The following GAREM1 variants were observed in gnomAD, a reference collection of about 807,000 sequenced individuals.
The protein encoded by GAREM1 is GRB2 associated regulator of MAPK1 subtype 1.
A neutral mutation model predicts 71.3 loss-of-function variants in GAREM1; 26 were observed. The ratio of observed to expected loss-of-function variants is 0.36; its 90% CI spans 0.27 to 0.51. The LOEUF is 0.51. GAREM1 is among the 20% of genes least tolerant of loss of function. The pLI is 0.95. For missense variants in GAREM1, 1,026 were observed against 1,103.1 expected, an observed-to-expected ratio of 0.93 and a Z score of 0.99; for synonymous variants, 440 against 433.2, an observed-to-expected ratio of 1.02 and a Z score of -0.20.
At chr18:32,390,340 T>C (rs1396471842) in intron 2 of GAREM1, among the ~76,000 whole-genome samples, 4 of 152,202 alleles carry the variant, frequency 2.6e-5, no homozygotes, top group Admixed American at 2.6e-4. Context: ...CTGGAATCTA[T>C]TTGTACCTCA....
chr18:32,356,027 A>C (rs961159225), intron 2 of GAREM1, among the ~76,000 whole-genome samples: 2 of 152,188 alleles, frequency 1.3e-5, no homozygotes, highest in African/African-American at 4.8e-5. Context: ...CTAGAGAAGC[A>C]GTTTTTCTTT....
Position 32,270,289 on chromosome 18 carries a change from A to AGGAGGG in GAREM1, c.1660_1661insCCCTCC (p.Val554delinsAlaLeuLeu). The AGGAGGG allele has an allele frequency of 6.2e-7, 1 of 1,613,940 alleles. No homozygotes were observed. Among genetic ancestry groups the AGGAGGG allele is most frequent in the Middle Eastern group, 1.6e-4 (1 of 6,062 alleles). ...GCGAGTCTGTTGCCGCGCTGGCTTGACTGTGCGAGGAGGGATGGAGGGACT... is the reference window on the plus strand; with the variant it reads ...GCGAGTCTGTTGCCGCGCTGGCTTGAGGAGGGCTGTGCGAGGAGGGATGGAGGGACT... On this transcript the variant is annotated protein_altering_variant, in exon 5 of 6. Transcript: ENST00000269209.
At chr18:32,413,179 C>A in intron 1 of GAREM1, 1 of 1,600,870 alleles carries the variant, frequency 6.2e-7, no homozygotes. Context: ...TTAGACATGA[C>A]GGCAGGGTGA....
At chr18:32,318,289 T>C (rs1407896966) in intron 2 of GAREM1, among the ~76,000 whole-genome samples, 1 of 152,168 alleles carries the variant, frequency 6.6e-6, no homozygotes. Context: ...CTAGAAAATA[T>C]CCATTTTGTG....
intron 2 of GAREM1, among the ~76,000 whole-genome samples, chr18:32,311,657 G>A (rs917262786): frequency 7.2e-5 from 11 of 152,178 alleles, no homozygotes; most frequent in African/African-American, 2.4e-4. Flanking sequence ...CTAAGACTAG[G>A]CAACAGTCTG....
intron 2 of GAREM1, among the ~76,000 whole-genome samples, chr18:32,378,597 G>C (rs1274389240): frequency 1.3e-5 from 2 of 152,110 alleles, no homozygotes; most frequent in African/African-American, 4.8e-5. Flanking sequence ...TCCAATGGGA[G>C]GGAGGCGGAA....
intron 2 of GAREM1, among the ~76,000 whole-genome samples, chr18:32,338,118 A>G (rs1207374047): frequency 6.6e-6 from 1 of 152,220 alleles, no homozygotes; most frequent in Non-Finnish European, 1.5e-5. Context: ...ATGCAGACGG[A>G]GGAAGGAATG....
intron 4 of GAREM1, among the ~76,000 whole-genome samples, chr18:32,277,261 T>A (rs1336650196): frequency 6.6e-6 from 1 of 151,622 alleles, no homozygotes; most frequent in Middle Eastern, 3.4e-3. Flanking sequence ...GCATGCCTTT[T>A]AAAAAAAAAC....
intron 2 of GAREM1, among the ~76,000 whole-genome samples, chr18:32,326,539 C>T (rs550217244): frequency 9.2e-5 from 14 of 152,336 alleles, no homozygotes; most frequent in Non-Finnish European, 1.6e-4. Flanking sequence ...TGTTGCTGCT[C>T]TGCTGACCTG....
intron 1 of GAREM1, among the ~76,000 whole-genome samples, chr18:32,437,198 T>G (rs1415678424): frequency 1.3e-5 from 2 of 152,090 alleles, no homozygotes; most frequent in Non-Finnish European, 2.9e-5. Context: ...CCAGGAGACG[T>G]GGGCTTTAGC....
chr18:32,269,429 G>C (rs987861742), intron 5 of GAREM1, among the ~76,000 whole-genome samples: 8 of 152,332 alleles, frequency 5.3e-5, no homozygotes, highest in African/African-American at 1.9e-4. Flanking sequence ...CATGAAACTA[G>C]AGTGTGCTCA....
intron 1 of GAREM1, among the ~76,000 whole-genome samples, chr18:32,405,479 T>C (rs1451669251): frequency 6.6e-6 from 1 of 152,178 alleles, no homozygotes; most frequent in Non-Finnish European, 1.5e-5. Context: ...ATTACAGGCT[T>C]GGGCCACCGA....
rs116474887 is a variant in GAREM1 at position 32,436,977 on chromosome 18, T to C, written c.121+33331A>G. On this transcript the variant is annotated intron_variant, in intron 1 of 5. Transcript: ENST00000269209. ...GTCATCATGGAATTAAATGAGAAAT[T>C]ACACATATAAATCCCAATCCAGCAC... Among the ~76,000 whole-genome samples the C allele has an allele frequency of 5.7e-3, 865 of 152,276 alleles. 10 individuals carry two copies. The highest frequency in any genetic ancestry group is 0.02 in the African/African-American group (811 of 41,558).
At chr18:32,387,373 A>C (rs1372102398) in intron 2 of GAREM1, among the ~76,000 whole-genome samples, 1 of 152,170 alleles carries the variant, frequency 6.6e-6, no homozygotes, top group Non-Finnish European at 1.5e-5. Context: ...GTTTGGAATT[A>C]ATGTTCTGAG....
intron 2 of GAREM1, among the ~76,000 whole-genome samples, chr18:32,343,676 T>C (rs559298855): frequency 4.0e-4 from 61 of 152,326 alleles, no homozygotes; most frequent in Admixed American, 4.0e-3. Flanking sequence ...ATCAATCTCA[T>C]ATATTCCAGA....
At chr18:32,329,608 AG>A (rs1247455064) in intron 2 of GAREM1, among the ~76,000 whole-genome samples, 2 of 148,912 alleles carry the variant, frequency 1.3e-5, no homozygotes, top group African/African-American at 4.9e-5. Context: ...CGGGAGGCTG[AG>A]GCAGAAGAAT....
chr18:32,302,628 A>G (rs1211956851), intron 3 of GAREM1, among the ~76,000 whole-genome samples: 1 of 152,200 alleles, frequency 6.6e-6, no homozygotes, highest in African/African-American at 2.4e-5. Context: ...CAAATACCAC[A>G]TGGTCTCATT....
chr18:32,449,095 G>C (rs951708787), intron 1 of GAREM1, among the ~76,000 whole-genome samples: 1 of 152,198 alleles, frequency 6.6e-6, no homozygotes, highest in Non-Finnish European at 1.5e-5. Flanking sequence ...TGCCTCCGTT[G>C]CTGGCTTCTC....
chr18:32,465,548 C>G (rs140986592), intron 1 of GAREM1, among the ~76,000 whole-genome samples: 2 of 152,222 alleles, frequency 1.3e-5, no homozygotes, highest in African/African-American at 4.8e-5. Context: ...TGCTCCTGTT[C>G]TACCTACTTA....
Sources: allele counts gnomAD v4.1 joint callset (sites outside exome capture counted in the v4.1 genomes callset), GRCh38; gene constraint gnomAD v4.1.1; transcripts MANE v1.5; gene names NCBI Gene and HGNC (gene_info 2026-07-23, HGNC 2026-07-21).